NRXN3: variants seen among roughly 807,000 people sequenced by gnomAD.
NRXN3 encodes neurexin III.
In NRXN3, 32 loss-of-function variants were observed where a neutral mutation model predicts 137.6. The ratio of observed to expected loss-of-function variants is 0.23; its 90% CI spans 0.18 to 0.31. The LOEUF (loss-of-function observed/expected upper bound fraction) is 0.31. NRXN3 is among the 10% of genes least tolerant of loss of function. The pLI is 1.00. For missense variants in NRXN3, 1,574 were observed against 2,062.5 expected (o/e 0.76, Z 4.59); for synonymous variants, 798 against 784.5 (o/e 1.02, Z -0.29).
chr14:78,541,162 C>T (rs1363375651), intron 4 of NRXN3, among the ~76,000 whole-genome samples: 1 of 152,128 alleles, frequency 6.6e-6, no homozygotes, highest in Non-Finnish European at 1.5e-5. Context: ...GAATGTTGGC[C>T]TGCCTTGCTA....
intron 6 of NRXN3, among the ~76,000 whole-genome samples, chr14:78,667,308 T>G (rs1407390267): frequency 6.6e-6 from 1 of 152,190 alleles, no homozygotes; most frequent in African/African-American, 2.4e-5. Context: ...AGCACTTACC[T>G]CAGAGATTTC....
intron 17 of NRXN3, among the ~76,000 whole-genome samples, chr14:79,672,574 A>G (rs2098615195): frequency 6.6e-6 from 1 of 152,092 alleles, no homozygotes; most frequent in Admixed American, 6.6e-5. Context: ...AATTAAAACA[A>G]TCATCAAATA....
chr14:78,484,469 C>A (rs1365443746), intron 4 of NRXN3, among the ~76,000 whole-genome samples: 1 of 152,136 alleles, frequency 6.6e-6, no homozygotes, highest in Non-Finnish European at 1.5e-5. Flanking sequence ...CAGCTGATCC[C>A]TTTAATGCAT....
intron 10 of NRXN3, among the ~76,000 whole-genome samples, chr14:78,924,266 T>C (rs1008855984): frequency 1.3e-5 from 2 of 152,202 alleles, no homozygotes; most frequent in Non-Finnish European, 2.9e-5. Context: ...AAAACTTTAA[T>C]ACGTGTGAGT....
At chr14:78,955,982 T>C (rs948013654) in intron 10 of NRXN3, among the ~76,000 whole-genome samples, 3 of 152,138 alleles carry the variant, frequency 2.0e-5, no homozygotes, top group African/African-American at 7.2e-5. Flanking sequence ...TATATAGACA[T>C]TGATTATTCA....
In NRXN3 at chr14:79,335,468, C is replaced by T. The variant is rs150588680; in HGVS notation, c.3263-131753C>T. Among the ~76,000 whole-genome samples the T allele has an allele frequency of 4.9e-3, 740 of 152,020 alleles. 1 individual carries two copies. The highest frequency in any genetic ancestry group is 7.5e-3 in the Non-Finnish European group (510 of 67,990). ...ATTTTTTCTCCCTATTATATTTCTG[C>T]GTGTTCACACCCCTCTATTAACAGA... On this transcript the variant is annotated intron_variant, in intron 15 of 20. Coordinates refer to ENST00000335750, the MANE Select transcript of NRXN3 (RefSeq NM_001330195.2).
chr14:79,048,511 T>C (rs2152561855), intron 15 of NRXN3, among the ~76,000 whole-genome samples: 1 of 152,340 alleles, frequency 6.6e-6, no homozygotes, highest in Non-Finnish European at 1.5e-5. Flanking sequence ...CACTATTCTG[T>C]AGTCTTTTAA....
chr14:79,143,913 C>A (rs1385502552), intron 15 of NRXN3, among the ~76,000 whole-genome samples: 2 of 152,092 alleles, frequency 1.3e-5, no homozygotes, highest in Non-Finnish European at 2.9e-5. Flanking sequence ...TTTCTATAAG[C>A]CCCTTAAATA....
chr14:78,442,871 C>T (rs1252619576), intron 4 of NRXN3, among the ~76,000 whole-genome samples: 1 of 152,186 alleles, frequency 6.6e-6, no homozygotes, highest in East Asian at 1.9e-4. Flanking sequence ...GAGCAATTGA[C>T]ATTTGTATAG....
At chr14:78,734,342 T>C (rs923711389) in intron 8 of NRXN3, among the ~76,000 whole-genome samples, 2 of 152,182 alleles carry the variant, frequency 1.3e-5, no homozygotes, top group African/African-American at 4.8e-5. Context: ...AAAGTCATTT[T>C]ATCCAAAGGG....
chr14:79,357,303 C>T (rs1764774967), intron 15 of NRXN3, among the ~76,000 whole-genome samples: 2 of 152,066 alleles, frequency 1.3e-5, no homozygotes, highest in Admixed American at 1.3e-4. Flanking sequence ...AGTCTATTTT[C>T]ACAGTATTCA....
chr14:78,338,086 T>A (rs2081685086), intron 4 of NRXN3, among the ~76,000 whole-genome samples: 1 of 152,120 alleles, frequency 6.6e-6, no homozygotes, highest in Non-Finnish European at 1.5e-5. Context: ...GTGAGCCAGG[T>A]CTTTCTGTCC....
intron 2 of NRXN3, among the ~76,000 whole-genome samples, chr14:78,252,414 G>A (rs1200317020): frequency 1.3e-5 from 2 of 152,188 alleles, no homozygotes; most frequent in Non-Finnish European, 2.9e-5. Context: ...CCTGGCTCAA[G>A]TTTTCTGGCT....
At chr14:78,345,979 G>A (rs2082685958) in intron 4 of NRXN3, among the ~76,000 whole-genome samples, 1 of 152,154 alleles carries the variant, frequency 6.6e-6, no homozygotes, top group Admixed American at 6.5e-5. Context: ...GAGAAGATGG[G>A]GTTGTTTTCA....
intron 10 of NRXN3, among the ~76,000 whole-genome samples, chr14:78,871,436 C>A (rs1223222101): frequency 6.6e-6 from 1 of 152,084 alleles, no homozygotes; most frequent in East Asian, 1.9e-4. Flanking sequence ...ATGAAATTCA[C>A]AGCTTTCCTA....
intron 4 of NRXN3, among the ~76,000 whole-genome samples, chr14:78,352,613 C>T (rs377622093): frequency 3.9e-5 from 6 of 152,094 alleles, no homozygotes; most frequent in East Asian, 3.9e-4. Flanking sequence ...AGGCTTTGTG[C>T]GGACATCAGG....
At chr14:78,628,362 T>C (rs534039868) in intron 4 of NRXN3, among the ~76,000 whole-genome samples, 25 of 152,138 alleles carry the variant, frequency 1.6e-4, no homozygotes, top group Non-Finnish European at 2.6e-4. Context: ...CTCAGCAAAT[T>C]CTTCATGTTT....
intron 4 of NRXN3, among the ~76,000 whole-genome samples, chr14:78,471,759 C>T (rs565063974): frequency 1.3e-4 from 20 of 152,234 alleles, no homozygotes; most frequent in African/African-American, 4.8e-4. Context: ...GATCAGCTAC[C>T]CCCCTAGAAA....
At chr14:79,360,732 A>G (rs1269226254) in intron 15 of NRXN3, among the ~76,000 whole-genome samples, 3 of 152,210 alleles carry the variant, frequency 2.0e-5, no homozygotes, top group Non-Finnish European at 4.4e-5. Context: ...TTAGGTAAAC[A>G]TAGGAGGCAA....
Sources: gnomAD v4.1 joint callset for allele counts (sites outside exome capture counted in the v4.1 genomes callset) on GRCh38, gnomAD v4.1.1 for gene constraint, MANE v1.5 for transcripts, NCBI Gene and HGNC (gene_info 2026-07-23, HGNC 2026-07-21) for gene names.